SREBF2: variants seen among roughly 807,000 people sequenced by gnomAD.
SREBF2 encodes sterol regulatory element-binding protein 2.
In SREBF2, 55 loss-of-function variants were observed where a neutral mutation model predicts 113.1. The ratio of observed to expected loss-of-function variants is 0.49; its 90% CI spans 0.39 to 0.61. The LOEUF (loss-of-function observed/expected upper bound fraction) is 0.61, where lower values mean the gene tolerates loss of function less well. Among genes scored for constraint, SREBF2 ranks in the 20% least tolerant of loss-of-function variants. The pLI is 0.00. For missense variants in SREBF2, 1,349 were observed against 1,487.4 expected, an observed-to-expected ratio of 0.91 and a Z score of 1.53; for synonymous variants, 593 against 605.7, an observed-to-expected ratio of 0.98 and a Z score of 0.31.
intron 4 of SREBF2, among the ~76,000 whole-genome samples, chr22:41,871,266 A>G (rs2077138395): frequency 6.6e-6 from 1 of 152,210 alleles, no homozygotes; most frequent in East Asian, 1.9e-4. Context: ...AAAGAATAGC[A>G]GAAGGACCCT....
At chr22:41,870,333 C>T (rs2077127913) in intron 3 of SREBF2, among the ~76,000 whole-genome samples, 1 of 152,130 alleles carries the variant, frequency 6.6e-6, no homozygotes, top group Non-Finnish European at 1.5e-5. Context: ...ACCTAAAAAC[C>T]CATGACCTGG....
chr22:41,903,714 AT>A (rs1419188128), intron 17 of SREBF2, among the ~76,000 whole-genome samples: 1 of 152,024 alleles, frequency 6.6e-6, no homozygotes, highest in Non-Finnish European at 1.5e-5. Context: ...TTGTACCTGT[AT>A]TTTTTTCTAA....
chr22:41,855,408 C>T (rs1403113779), intron 1 of SREBF2, among the ~76,000 whole-genome samples: 2 of 151,960 alleles, frequency 1.3e-5, no homozygotes, highest in Non-Finnish European at 2.9e-5. Context: ...CACCTGTAGT[C>T]CCAGCTACTT....
rs533543998 is a variant in SREBF2, at chr22:41,867,991, A to G, written c.539-620A>G. Among the ~76,000 whole-genome samples, 4 of 152,292 alleles carry G rather than the reference A, an allele frequency of 2.6e-5. No homozygotes were observed. The South Asian group carries it at 8.3e-4, about 32-fold the overall frequency. On this transcript the variant is annotated intron_variant, in intron 2 of 18. Coordinates refer to ENST00000361204, the MANE Select transcript of SREBF2 (RefSeq NM_004599.4). Reference sequence around the variant, plus strand: ...TATGGTGATGAATATGACTTTTAATATAGGTGCAGCAGCTTCAAGTAGCAA... The same window carrying G: ...TATGGTGATGAATATGACTTTTAATGTAGGTGCAGCAGCTTCAAGTAGCAA...
chr22:41,902,244 G>T (rs903950160), intron 16 of SREBF2, among the ~76,000 whole-genome samples: 1 of 152,196 alleles, frequency 6.6e-6, no homozygotes, highest in African/African-American at 2.4e-5. Flanking sequence ...GTGCAGGTGT[G>T]CCACTGCGAG....
chr22:41,873,566 C>G, intron 4 of SREBF2: 1 of 565,036 alleles, frequency 1.8e-6, no homozygotes, highest in East Asian at 3.0e-5. Context: ...CCATGTTAAT[C>G]CTCTTGTGGT....
At chr22:41,877,205 C>A in intron 7 of SREBF2, 24 bp from the exon 8 acceptor site, 1 of 1,613,466 alleles carries the variant, frequency 6.2e-7, no homozygotes, top group African/African-American at 1.3e-5. Context: ...GTATTTATTC[C>A]AACCTCGAGG....
At chr22:41,861,649 G>A (rs1438987096) in intron 1 of SREBF2, among the ~76,000 whole-genome samples, 2 of 151,980 alleles carry the variant, frequency 1.3e-5, no homozygotes, top group African/African-American at 4.8e-5. Context: ...AGGGCCAGGC[G>A]CAGTGGCTCA....
At chr22:41,898,483 A>G (rs915022501) in intron 14 of SREBF2, among the ~76,000 whole-genome samples, 166 bp from the exon 15 acceptor site, 11 of 152,128 alleles carry the variant, frequency 7.2e-5, no homozygotes, top group African/African-American at 1.9e-4. Flanking sequence ...GTGCTGGTCT[A>G]TTCCCCTCCC....
Position 41,833,579 on chromosome 22 carries a change from G to C in SREBF2, c.88+221G>C, listed in dbSNP as rs932169413. ...GAGGCCGTGGGATCTGGGGCGCCGC[G>C]GGGCCGAAAGCGGCGCGAGGGTCGC... is the stretch of plus-strand genomic sequence containing the variant. On this transcript the variant is annotated intron_variant, in intron 1 of 18. Coordinates refer to ENST00000361204, the MANE Select transcript of SREBF2 (RefSeq NM_004599.4). This position sits in a 1 kb window ranked among gnomAD's most constrained non-coding sequence, Gnocchi z 4.1. The C allele has an allele frequency of 9.3e-6, 4 of 431,992 alleles. No individual in the cohort carries two copies. Among genetic ancestry groups the C allele is most frequent in the African/African-American group, 8.3e-5 (4 of 47,966 alleles). The allele number at this position is 431,992 out of a possible 1,614,324, so 26.8% of individuals were successfully genotyped here. A position where few individuals can be genotyped will look rare whatever the true frequency, so the allele number is the denominator to read the frequency against.
intron 15 of SREBF2, 104 bp from the exon 16 acceptor site, chr22:41,900,226 T>C: frequency 5.8e-6 from 9 of 1,552,924 alleles, no homozygotes; most frequent in Non-Finnish European, 7.8e-6. Context: ...CAGATGCACA[T>C]GTCATATCAG....
At chr22:41,842,851 G>C (rs764685252) in intron 1 of SREBF2, among the ~76,000 whole-genome samples, 1 of 152,144 alleles carries the variant, frequency 6.6e-6, no homozygotes, top group Non-Finnish European at 1.5e-5. Context: ...TTAGCCGGGC[G>C]TGGTGGCATG....
intron 1 of SREBF2, among the ~76,000 whole-genome samples, chr22:41,863,627 A>C (rs2077044514): frequency 6.6e-6 from 1 of 152,216 alleles, no homozygotes; most frequent in Non-Finnish European, 1.5e-5. Context: ...TACAAGCTGC[A>C]ATATCTGTAG....
intron 6 of SREBF2, 30 bp from the exon 7 acceptor site, chr22:41,875,513 C>T: frequency 6.2e-7 from 1 of 1,614,174 alleles, no homozygotes; most frequent in Non-Finnish European, 8.5e-7. Flanking sequence ...AAAAGCAGAT[C>T]ATTTTCACCA....
At chr22:41,845,533 A>G (rs1478433508) in intron 1 of SREBF2, among the ~76,000 whole-genome samples, 1 of 152,234 alleles carries the variant, frequency 6.6e-6, no homozygotes, top group African/African-American at 2.4e-5. Context: ...TTAGAGTTGA[A>G]TGAAATGGCC....
At chr22:41,858,311 A>G (rs902669823) in intron 1 of SREBF2, among the ~76,000 whole-genome samples, 6 of 152,236 alleles carry the variant, frequency 3.9e-5, no homozygotes, top group Non-Finnish European at 7.3e-5. Context: ...TTAGGTGACT[A>G]TTCCTCTGAT....
At position 41,905,804 on chromosome 22, in the gene SREBF2, C is replaced by T. The variant is rs1602357330; in HGVS notation, c.*144C>T. On this transcript the variant is annotated 3_prime_UTR_variant, in exon 19 of 19. Transcript: ENST00000361204. Reference sequence around the variant, plus strand: ...TTCTGGGCCACTCAGGCCAGTGCACCCCTGGGCAGAGCCCCTTAAAGCTGC... The same window carrying T: ...TTCTGGGCCACTCAGGCCAGTGCACTCCTGGGCAGAGCCCCTTAAAGCTGC... 6.4e-6 allele frequency: 6 copies of T among 932,400 alleles called. No homozygotes were observed. The East Asian group carries it at 1.1e-4, about 16-fold the overall frequency. 57.8% of individuals were successfully genotyped at this position (932,400 alleles called of 1,614,324 possible).
chr22:41,871,437 C>T (rs2077140233), intron 4 of SREBF2, among the ~76,000 whole-genome samples: 1 of 152,134 alleles, frequency 6.6e-6, no homozygotes, highest in African/African-American at 2.4e-5. Flanking sequence ...CTTTCAGCAT[C>T]CTATAGCATG....
At chr22:41,859,954 C>T (rs1042938376) in intron 1 of SREBF2, among the ~76,000 whole-genome samples, 3 of 151,386 alleles carry the variant, frequency 2.0e-5, no homozygotes, top group African/African-American at 4.8e-5. Flanking sequence ...TACAGGCGCC[C>T]GCCACCACGC....
Sources: allele counts gnomAD v4.1 joint callset (sites outside exome capture counted in the v4.1 genomes callset), GRCh38; gene constraint gnomAD v4.1.1; non-coding constraint Gnocchi (gnomAD v3.1); transcripts MANE v1.5; gene names NCBI Gene and HGNC (gene_info 2026-07-23, HGNC 2026-07-21).